ABCB9: variants seen among roughly 807,000 people sequenced by gnomAD.
The protein encoded by ABCB9 is ATP binding cassette subfamily B member 9, also known as ABC-type oligopeptide transporter ABCB9.
A neutral mutation model predicts 62.0 loss-of-function variants in ABCB9; 36 were observed. The observed-to-expected ratio is 0.58, with a 90% CI of 0.45 to 0.77. The LOEUF is 0.77. ABCB9 is among the 30% of genes least tolerant of loss of function. ABCB9 has a pLI of 0.00. For synonymous variants in ABCB9, 435 were observed against 461.4 expected (o/e 0.94, Z 0.73); for missense variants, 943 against 1,054.7 (o/e 0.89, Z 1.47).
intron 4 of ABCB9, chr12:122,949,138 T>G (rs997975315): frequency 3.7e-5 from 9 of 243,866 alleles, no homozygotes; most frequent in African/African-American, 2.0e-4. Flanking sequence ...AACCCATGTC[T>G]CCTCCCTGTC....
At chr12:122,919,886 T>TTTATTTA (rs1341619562), downstream of ABCB9, among the ~76,000 whole-genome samples, 8 of 21,006 alleles carry the variant, frequency 3.8e-4, no homozygotes, top group African/African-American at 7.2e-3. Flanking sequence ...TGTTTGTTTA[T>TTTATTTA]TTATTTATTT....
upstream of ABCB9, among the ~76,000 whole-genome samples, chr12:122,969,450 C>G (rs894334797): frequency 7.2e-5 from 11 of 152,142 alleles, no homozygotes; most frequent in African/African-American, 2.7e-4. Flanking sequence ...CTCAATAAAG[C>G]TATTATTACA....
intron 7 of ABCB9, among the ~76,000 whole-genome samples, chr12:122,943,272 C>A (rs2135819581): frequency 6.6e-6 from 1 of 152,334 alleles, no homozygotes; most frequent in South Asian, 2.1e-4. Context: ...CTGCTGACTT[C>A]CTTCCTTCCA....
rs1170544339 is a variant in ABCB9, at chr12:122,930,876, G to A, written c.2041-705C>T. On this transcript the variant is annotated intron_variant, in intron 11 of 11. Coordinates refer to ENST00000280560, the MANE Select transcript of ABCB9 (RefSeq NM_019625.4). The surrounding 1 kb of genome is among the most constrained non-coding windows in gnomAD (Gnocchi z 4.9). ...ATGAATCAATCCGCGCATAGACTGA[G>A]GTTGCTAGCCATCTGCAAATACATG... Among the ~76,000 whole-genome samples, 1 of 152,130 alleles carries A rather than the reference G, an allele frequency of 6.6e-6. No individual in the cohort carries two copies. The highest frequency in any genetic ancestry group is 1.5e-5 in the Non-Finnish European group (1 of 68,028).
Position 122,960,220 on chromosome 12 carries a change from C to G in ABCB9, c.16G>C (p.Ala6Pro). 6.2e-7 allele frequency: 1 copy of G among 1,611,660 alleles called. No homozygotes were observed. The highest frequency in any genetic ancestry group is 8.5e-7 in the Non-Finnish European group (1 of 1,178,760). The change falls in exon 2 of 12, where the codon GCG becomes CCG. Residue 6 changes from alanine to proline, a missense_variant. By Grantham distance (27) the Ala-to-Pro change is conservative. Transcript: ENST00000280560. MRLWK[A>P]VVVTLAFMSV... ...ATGAAGGCCAAAGTCACCACCACCG[C>G]CTTCCACAGCCGCATCCTGCTGGTT...
chr12:122,940,688 G>T lies in ABCB9; in HGVS notation c.1569+119C>A. ...CAACTGGAGCCCAAAACTCCTGGAG[G>T]GCAATGATCTTGCCTGACATATTCC... On this transcript the variant is annotated intron_variant, in intron 8 of 11. Coordinates refer to ENST00000280560, the MANE Select transcript of ABCB9 (RefSeq NM_019625.4). The surrounding 1 kb of genome is among the most constrained non-coding windows in gnomAD (Gnocchi z 4.8). 1 of 1,260,498 alleles carries T rather than the reference G, an allele frequency of 7.9e-7. No homozygotes were observed. Among genetic ancestry groups the T allele is most frequent in the Non-Finnish European group, 1.1e-6 (1 of 936,858 alleles). 78.1% of individuals were successfully genotyped at this position (1,260,498 alleles called of 1,614,324 possible).
intron 11 of ABCB9, chr12:122,931,748 A>G (rs2035180386): frequency 5.6e-6 from 1 of 179,358 alleles, no homozygotes; most frequent in African/African-American, 2.4e-5. Context: ...GGTTCAAGCA[A>G]TTCTCCTGCC....
At position 122,939,984 on chromosome 12, in the gene ABCB9, A is replaced by G. The variant is rs1022534380; in HGVS notation, c.1743+127T>C. On this transcript the variant is annotated intron_variant, in intron 9 of 11. Coordinates refer to ENST00000280560, the MANE Select transcript of ABCB9 (RefSeq NM_019625.4). ...TTCTGTTTCTCTAGGAGGGCATTGT[A>G]ATTGGTGATAATTCTTTGAACTGTC... The G allele has an allele frequency of 2.5e-6, 3 of 1,222,072 alleles. No individual in the cohort carries two copies. The African/African-American group carries it at 4.6e-5, about 19-fold the overall frequency. 75.7% of individuals were successfully genotyped at this position (1,222,072 alleles called of 1,614,324 possible).
Position 122,930,154 on chromosome 12 carries a change from A to G in ABCB9, c.2058T>C (p.His686=), listed in dbSNP as rs780327622. 3 of 1,549,266 alleles carry G rather than the reference A, an allele frequency of 1.9e-6. No individual in the cohort carries two copies. Among genetic ancestry groups the G allele is most frequent in the Admixed American group, 2.0e-5 (1 of 51,080 alleles). The change falls in exon 12 of 12, where the codon CAT becomes CAC. Residue 686 remains histidine, a synonymous_variant. Transcript: ENST00000280560. This position sits in a 1 kb window ranked among gnomAD's most constrained non-coding sequence, Gnocchi z 4.9. ...GTACCGTGTGCTTCTGCAGGTTGCC[A>G]TGGATGGCCTGCTGGATCTGCGGGG... ...ESEYLIQQAI[H]GNLQKHTVLI...
chr12:122,970,245 A>AATTT (rs537133168), upstream of ABCB9, among the ~76,000 whole-genome samples: 1,062 of 151,808 alleles, frequency 7.0e-3, 13 homozygotes, highest in African/African-American at 0.024. Flanking sequence ...ATGCCCGGCT[A>AATTT]ATTTATTTAT....
In ABCB9 at chr12:122,959,339, A is replaced by G. The variant is rs1300697457; in HGVS notation, c.601+296T>C. On this transcript the variant is annotated intron_variant, in intron 2 of 11. Coordinates refer to ENST00000280560, the MANE Select transcript of ABCB9 (RefSeq NM_019625.4). The surrounding 1 kb of genome is among the most constrained non-coding windows in gnomAD (Gnocchi z 5.4). ...TGCACTCTAGCCTAGGTGACAGAGCAATACTATGTTTCGAAAAAATAAATA... is the reference window on the plus strand; with the variant it reads ...TGCACTCTAGCCTAGGTGACAGAGCGATACTATGTTTCGAAAAAATAAATA... Among the ~76,000 whole-genome samples the G allele has an allele frequency of 1.3e-5, 2 of 151,880 alleles. No individual in the cohort carries two copies. Among genetic ancestry groups the G allele is most frequent in the East Asian group, 3.9e-4 (2 of 5,114 alleles).
At position 122,958,169 on chromosome 12, in the gene ABCB9, C is replaced by CAAA. The variant is rs34917345; in HGVS notation, c.601+1463_601+1465dup. Among the ~76,000 whole-genome samples, 629 of 70,606 alleles carry CAAA rather than the reference C, an allele frequency of 8.9e-3. 18 individuals carry two copies. Among genetic ancestry groups the CAAA allele is most frequent in the Admixed American group, 0.028 (150 of 5,350 alleles). The allele number at this position is 70,606 out of a possible 152,430, so 46.3% of individuals were successfully genotyped here. A position where few individuals can be genotyped will look rare whatever the true frequency, so the allele number is the denominator to read the frequency against. On this transcript the variant is annotated intron_variant, in intron 2 of 11. Transcript: ENST00000280560. ...TGGGTGACAGAGCAAGACTCCATCT[C>CAAA]AAAAAAAAAAAAAAAAAAAAAATTC... is the stretch of plus-strand genomic sequence containing the variant.
downstream of ABCB9, among the ~76,000 whole-genome samples, chr12:122,925,573 C>T (rs1336776667): frequency 6.6e-6 from 1 of 152,056 alleles, no homozygotes. Flanking sequence ...GCGGTGAAAC[C>T]CCGTCTCTAC....
At chr12:122,950,817 G>C in intron 2 of ABCB9, 1 of 436,858 alleles carries the variant, frequency 2.3e-6, no homozygotes, top group South Asian at 3.6e-5. Flanking sequence ...TGGCTACCAG[G>C]CATCGAGCCA....
Position 122,944,690 on chromosome 12 carries a change from C to A in ABCB9, c.1252-171G>T, listed in dbSNP as rs1419438897. 1.1e-6 allele frequency: 1 copy of A among 870,688 alleles called. No individual in the cohort carries two copies. Among genetic ancestry groups the A allele is most frequent in the South Asian group, 1.8e-5 (1 of 56,440 alleles). The allele number at this position is 870,688 out of a possible 1,614,324, so 53.9% of individuals were successfully genotyped here. On this transcript the variant is annotated intron_variant, in intron 6 of 11. Transcript: ENST00000280560. The surrounding 1 kb of genome is among the most constrained non-coding windows in gnomAD (Gnocchi z 4.9). ...CAAGGCTTGTCACTCATGCCTTCCC[C>A]TGCCCCGAGCATTTCCCTACAGAGG...
At chr12:122,968,727 A>C (rs2037237636), upstream of ABCB9, among the ~76,000 whole-genome samples, 2 of 134,434 alleles carry the variant, frequency 1.5e-5, no homozygotes, top group South Asian at 2.3e-4. Flanking sequence ...CATTCTTCCC[A>C]CCACAGCCTC....
intron 2 of ABCB9, among the ~76,000 whole-genome samples, chr12:122,954,217 A>AT (rs1323179815): frequency 4.0e-5 from 6 of 148,714 alleles, no homozygotes; most frequent in African/African-American, 9.9e-5. Flanking sequence ...TATTTTTTTT[A>AT]TTTTTTTTGA....
chr12:122,943,876 A>G (rs1320447612), intron 7 of ABCB9, among the ~76,000 whole-genome samples: 1 of 152,060 alleles, frequency 6.6e-6, no homozygotes, highest in East Asian at 1.9e-4. Flanking sequence ...CCCAGGCTCA[A>G]GCGATTCTCT....
chr12:122,944,396 T>C lies in ABCB9; in HGVS notation c.1375A>G (p.Met459Val). 2.0e-6 allele frequency: 3 copies of C among 1,464,232 alleles called. No homozygotes were observed. The highest frequency in any genetic ancestry group is 2.8e-6 in the Non-Finnish European group (3 of 1,084,904). The allele number at this position is 1,464,232 out of a possible 1,614,324, so 90.7% of individuals were successfully genotyped here. A position where few individuals can be genotyped will look rare whatever the true frequency, so the allele number is the denominator to read the frequency against. The change falls in exon 7 of 12, where the codon ATG becomes GTG. Residue 459 changes from methionine (M) to valine (V), a missense_variant. Met to Val is a conservative substitution (Grantham distance 21, BLOSUM62 1). Coordinates refer to ENST00000280560, the MANE Select transcript of ABCB9 (RefSeq NM_019625.4). The surrounding 1 kb of genome is among the most constrained non-coding windows in gnomAD (Gnocchi z 4.9). Reference protein sequence around the residue: ...IIYEFVLGDCMESVGSVYSGL... With the variant: ...IIYEFVLGDCVESVGSVYSGL... Reference sequence around the variant, plus strand: ...CGGACACACTGGCCTCTCACCTCCATACAATCTCCCAGGACAAACTCGTAG... The same window carrying C: ...CGGACACACTGGCCTCTCACCTCCACACAATCTCCCAGGACAAACTCGTAG...
Sources: allele counts gnomAD v4.1 joint callset (sites outside exome capture counted in the v4.1 genomes callset), GRCh38; gene constraint gnomAD v4.1.1; non-coding constraint Gnocchi (gnomAD v3.1); transcripts MANE v1.5; gene names NCBI Gene and HGNC (gene_info 2026-07-23, HGNC 2026-07-21).